Variants in THRB observed in about 807,000 individuals in gnomAD.
THRB encodes nuclear receptor subfamily 1 group A member 2.
Under a neutral mutation model 47.8 loss-of-function variants are expected in THRB, and 12 were observed. That is an observed-to-expected ratio of 0.25 (90% CI 0.16 to 0.41). The LOEUF (loss-of-function observed/expected upper bound fraction) is 0.41, where lower values mean the gene tolerates loss of function less well. Ranked by LOEUF, THRB falls within the 10% of genes least tolerant of loss-of-function variation. The probability of loss-of-function intolerance (pLI) is 1.00; values close to 1 mark genes in which losing one functional copy is unlikely to be tolerated. For missense variants in THRB, 348 were observed against 589.2 expected, an observed-to-expected ratio of 0.59 and a Z score of 4.24; for synonymous variants, 218 against 212.2, an observed-to-expected ratio of 1.03 and a Z score of -0.24.
intron 1 of THRB, among the ~76,000 whole-genome samples, chr3:24,431,711 T>C (rs140860506): frequency 1.0e-3 from 154 of 152,244 alleles, no homozygotes; most frequent in African/African-American, 3.5e-3. Context: ...AGCAAATCAC[T>C]GGCAGTAAAC....
intron 1 of THRB, among the ~76,000 whole-genome samples, chr3:24,384,086 T>C (rs2065903045): frequency 6.6e-6 from 1 of 152,162 alleles, no homozygotes; most frequent in Admixed American, 6.6e-5. Context: ...AGCAGCAATA[T>C]GGGCCATACC....
At chr3:24,386,334 C>T (rs2066099787) in intron 1 of THRB, among the ~76,000 whole-genome samples, 1 of 152,098 alleles carries the variant, frequency 6.6e-6, no homozygotes, top group Non-Finnish European at 1.5e-5. Context: ...TAGGGGCCTG[C>T]TCCTCTCTGC....
chr3:24,158,408 G>GA (rs1289031573), intron 5 of THRB, among the ~76,000 whole-genome samples: 1 of 132,606 alleles, frequency 7.5e-6, no homozygotes, highest in Non-Finnish European at 1.6e-5. Context: ...AGTAGTTTGA[G>GA]AAAAATGATA....
At chr3:24,325,861 C>T (rs1401784039) in intron 2 of THRB, among the ~76,000 whole-genome samples, 1 of 152,062 alleles carries the variant, frequency 6.6e-6, no homozygotes, top group Non-Finnish European at 1.5e-5. Flanking sequence ...AGCAACAGTC[C>T]AGAAATGATA....
Position 24,190,173 on chromosome 3 carries a change from T to A in THRB, c.184A>T (p.Thr62Ser), listed in dbSNP as rs754525522. 6.2e-7 allele frequency: 1 copy of A among 1,614,090 alleles called. No homozygotes were observed. Among genetic ancestry groups the A allele is most frequent in the Non-Finnish European group, 8.5e-7 (1 of 1,179,970 alleles). Residue 62 changes from threonine to serine, a missense_variant, in exon 5 of 11, where the codon ACT becomes TCT. By Grantham distance (58) the Thr-to-Ser change is moderately conservative. This residue lies in a region of THRB where 148 missense variants were observed against 122.3 expected (regional missense o/e 1.21). Coordinates refer to ENST00000646209, the MANE Select transcript of THRB (RefSeq NM_001354712.2). ...AGATGGAATATTGAGCTAGTCCAAG[T>A]GGTCTGGATGAGATGTGGCGACGAC... is the stretch of plus-strand genomic sequence containing the variant. ...EQSSPHLIQT[T>S]WTSSIFHLDH... is the part of the protein sequence containing the mutation.
intron 3 of THRB, among the ~76,000 whole-genome samples, chr3:24,253,747 C>T (rs971698939): frequency 2.5e-4 from 38 of 152,132 alleles, no homozygotes; most frequent in Admixed American, 2.0e-3. Context: ...AAAACCACTA[C>T]GGTGGCCAAA....
At chr3:24,382,373 T>C (rs1457878380) in intron 1 of THRB, among the ~76,000 whole-genome samples, 1 of 152,130 alleles carries the variant, frequency 6.6e-6, no homozygotes, top group Non-Finnish European at 1.5e-5. Context: ...ATTAATATTC[T>C]TAATAAATAA....
chr3:24,410,938 G>A (rs973898074), intron 1 of THRB, among the ~76,000 whole-genome samples: 3 of 151,770 alleles, frequency 2.0e-5, no homozygotes, highest in South Asian at 2.1e-4. Context: ...AATATAATGC[G>A]GATGGTTCAT....
chr3:24,194,886 G>T (rs1289296686), intron 4 of THRB, among the ~76,000 whole-genome samples: 2 of 152,148 alleles, frequency 1.3e-5, no homozygotes, highest in African/African-American at 4.8e-5. Context: ...GGTCAGAAGG[G>T]GTAAGCTGCG....
In THRB at chr3:24,227,300, T is replaced by C. The variant is rs529982486; in HGVS notation, c.22+1638A>G. 1.4e-4 allele frequency among the ~76,000 whole-genome samples: 21 copies of C among 152,290 alleles called. No individual in the cohort carries two copies. In the South Asian group the frequency reaches 1.7e-3, roughly 12 times the overall value. ...ACACCTGCGTGTGCCTGCAAAGACT[T>C]AGGCCATCACTCCTCCTGACTGAGA... On this transcript the variant is annotated intron_variant, in intron 4 of 10. Coordinates refer to ENST00000646209, the MANE Select transcript of THRB (RefSeq NM_001354712.2).
chr3:24,230,108 A>G (rs7619754), intron 3 of THRB, among the ~76,000 whole-genome samples: 77,323 of 152,066 alleles, frequency 0.51, 20,042 homozygotes, highest in South Asian at 0.6. Context: ...TGGAGAAGAA[A>G]AAGAACGAGG....
chr3:24,184,167 C>T (rs1001333241), intron 5 of THRB, among the ~76,000 whole-genome samples: 2 of 152,156 alleles, frequency 1.3e-5, no homozygotes, highest in African/African-American at 4.8e-5. Flanking sequence ...TTTAAAAAAG[C>T]CTGTTTTTAA....
At chr3:24,284,526 G>T (rs558090611) in intron 3 of THRB, among the ~76,000 whole-genome samples, 1 of 152,090 alleles carries the variant, frequency 6.6e-6, no homozygotes, top group East Asian at 1.9e-4. Flanking sequence ...CATGGGGAAA[G>T]ACTTCATGTC....
chr3:24,230,478 T>G (rs918680137), intron 3 of THRB, among the ~76,000 whole-genome samples: 1 of 152,184 alleles, frequency 6.6e-6, no homozygotes, highest in African/African-American at 2.4e-5. Context: ...GCTAGGAAAA[T>G]GCATTCTTGC....
At chr3:24,208,195 A>G (rs2045611589) in intron 4 of THRB, among the ~76,000 whole-genome samples, 1 of 152,144 alleles carries the variant, frequency 6.6e-6, no homozygotes. Flanking sequence ...CAAAAAAAAA[A>G]AGAGGACACA....
At chr3:24,395,373 T>C (rs541249840) in intron 1 of THRB, among the ~76,000 whole-genome samples, 1 of 152,206 alleles carries the variant, frequency 6.6e-6, no homozygotes, top group South Asian at 2.1e-4. Flanking sequence ...ATATATCTTA[T>C]AAGAAATCTG....
intron 3 of THRB, among the ~76,000 whole-genome samples, chr3:24,290,662 G>T (rs1433140159): frequency 6.6e-6 from 1 of 152,172 alleles, no homozygotes; most frequent in South Asian, 2.1e-4. Context: ...GGGAAGAAAT[G>T]TATTTTTCTG....
intron 2 of THRB, among the ~76,000 whole-genome samples, chr3:24,325,822 A>G (rs893648023): frequency 2.6e-5 from 4 of 152,140 alleles, no homozygotes; most frequent in African/African-American, 9.7e-5. Flanking sequence ...GGTAGAAAAA[A>G]TTTTCCAACA....
At chr3:24,357,245 A>T (rs1372440458) in intron 1 of THRB, among the ~76,000 whole-genome samples, 1 of 147,460 alleles carries the variant, frequency 6.8e-6, no homozygotes, top group East Asian at 2.0e-4. Context: ...TTTCATTCAA[A>T]TTCCTCTTTT....
Sources: gnomAD v4.1 joint callset for allele counts (sites outside exome capture counted in the v4.1 genomes callset) on GRCh38, gnomAD v4.1.1 for gene constraint, gnomAD v4.1.1 regional missense constraint, MANE v1.5 for transcripts, NCBI Gene and HGNC (gene_info 2026-07-23, HGNC 2026-07-21) for gene names.